BEGAIN: variants seen among roughly 807,000 people sequenced by gnomAD.
BEGAIN encodes brain-enriched guanylate kinase-associated protein.
BEGAIN carries 19 observed loss-of-function variants against 35.8 expected under a neutral mutation model. That is an observed-to-expected ratio of 0.53 (90% confidence interval 0.37 to 0.78). The LOEUF (loss-of-function observed/expected upper bound fraction) is 0.78. Among genes scored for constraint, BEGAIN ranks in the 30% least tolerant of loss-of-function variants. The probability of loss-of-function intolerance (pLI) is 0.00; values close to 1 mark genes in which losing one functional copy is unlikely to be tolerated. For missense variants in BEGAIN, 795 were observed against 853.6 expected (o/e 0.93, Z 0.85); for synonymous variants, 462 against 388.6 (o/e 1.19, Z -2.22).
At chr14:100,557,048 C>A (rs1233890376) in intron 2 of BEGAIN, among the ~76,000 whole-genome samples, 2 of 151,928 alleles carry the variant, frequency 1.3e-5, no homozygotes, top group African/African-American at 4.8e-5. Flanking sequence ...CCAGTCCCAG[C>A]GCCGGCTCTG....
At chr14:100,542,189 C>T (rs543704285) in intron 5 of BEGAIN, among the ~76,000 whole-genome samples, 1 of 152,250 alleles carries the variant, frequency 6.6e-6, no homozygotes, top group East Asian at 1.9e-4. Context: ...CTGGAACCAC[C>T]GCTCCACTCC....
chr14:100,579,580 C>T (rs1456442832), intron 1 of BEGAIN, among the ~76,000 whole-genome samples: 3 of 152,226 alleles, frequency 2.0e-5, no homozygotes, highest in Admixed American at 1.3e-4. Flanking sequence ...CTGCTTGGAG[C>T]GAGGCTGAGG....
chr14:100,583,881 T>A (rs912195195), intron 1 of BEGAIN, among the ~76,000 whole-genome samples: 4 of 151,964 alleles, frequency 2.6e-5, no homozygotes, highest in African/African-American at 9.7e-5. Context: ...TGTATTTTTA[T>A]AGAGACGGGG....
At chr14:100,571,088 G>A (rs763350264) in intron 1 of BEGAIN, among the ~76,000 whole-genome samples, 1 of 152,154 alleles carries the variant, frequency 6.6e-6, no homozygotes, top group African/African-American at 2.4e-5. Context: ...AGTCCTCATG[G>A]CACAGTCCTT....
At chr14:100,556,682 C>T (rs2033757665) in intron 2 of BEGAIN, among the ~76,000 whole-genome samples, 1 of 152,218 alleles carries the variant, frequency 6.6e-6, no homozygotes, top group South Asian at 2.1e-4. Flanking sequence ...GGGGCTGTCT[C>T]CTCCCAGTCA....
At position 100,538,054 on chromosome 14, in the gene BEGAIN, T is replaced by C. The variant is rs1300045071; in HGVS notation, c.1754A>G (p.Gln585Arg). Reference protein sequence around the residue: ...MHPAARLSPQQAFPRTGGSGL... With the variant: ...MHPAARLSPQRAFPRTGGSGL... ...CGAGCCACCAGTCCGCGGAAAGGCCTGCTGGGGGCTGAGGCGGGCGGCAGG... is the reference window on the plus strand; with the variant it reads ...CGAGCCACCAGTCCGCGGAAAGGCCCGCTGGGGGCTGAGGCGGGCGGCAGG... The change falls in exon 7 of 7, where the codon CAG becomes CGG. Residue 585 changes from glutamine to arginine, a missense_variant. Gln to Arg is a conservative substitution (Grantham distance 43, BLOSUM62 1). Coordinates refer to ENST00000554140, the MANE Select transcript of BEGAIN (RefSeq NM_001385089.1). The C allele has an allele frequency of 6.2e-7, 1 of 1,604,790 alleles. No individual in the cohort carries two copies. Among genetic ancestry groups the C allele is most frequent in the Non-Finnish European group, 8.5e-7 (1 of 1,176,872 alleles).
intron 1 of BEGAIN, among the ~76,000 whole-genome samples, chr14:100,572,652 C>A (rs1165214760): frequency 2.6e-5 from 4 of 152,146 alleles, no homozygotes; most frequent in Non-Finnish European, 5.9e-5. Context: ...GCCTTCTCCG[C>A]AGCTGTGGGA....
Position 100,537,708 on chromosome 14 carries a change from G to A in BEGAIN, c.*261C>T, listed in dbSNP as rs1669012591. On this transcript the variant is annotated 3_prime_UTR_variant, in exon 7 of 7. Transcript: ENST00000554140. ...AGTTTCGCTTTATAAAAGGGGGGAT[G>A]CTCCTCTCACATGGGGGAAGGACGC... The A allele has an allele frequency of 2.2e-6, 1 of 447,950 alleles. No individual in the cohort carries two copies. Among genetic ancestry groups the A allele is most frequent in the Non-Finnish European group, 3.9e-6 (1 of 256,524 alleles). 27.7% of individuals were successfully genotyped at this position (447,950 alleles called of 1,614,324 possible). A position where few individuals can be genotyped will look rare whatever the true frequency, so the allele number is the denominator to read the frequency against.
chr14:100,546,656 C>T lies in BEGAIN; in HGVS notation c.78G>A (p.Leu26=), dbSNP rs377634969. Residue 26 remains leucine (L), a synonymous_variant, in exon 3 of 7, where the codon CTG becomes CTA. Coordinates refer to ENST00000554140, the MANE Select transcript of BEGAIN (RefSeq NM_001385089.1). ...TGCGCAGCTCGCCCTTCTGCTCCTG[C>T]AGCGCGCTGCAACGACATGGCGGCG... ...SAADMEKLSA[L]QEQKGELRKR... 71 of 1,564,834 alleles carry T rather than the reference C, an allele frequency of 4.5e-5. No individual in the cohort carries two copies. Among genetic ancestry groups the T allele is most frequent in the Non-Finnish European group, 5.1e-5 (59 of 1,161,124 alleles).
chr14:100,539,463 C>T (rs1302441677), intron 6 of BEGAIN, 148 bp from the exon 7 acceptor site: 2 of 1,393,550 alleles, frequency 1.4e-6, no homozygotes, highest in East Asian at 2.6e-5. Flanking sequence ...CAAATCACAC[C>T]AGGGGGAGCC....
intron 2 of BEGAIN, among the ~76,000 whole-genome samples, chr14:100,562,094 G>A (rs2034307702): frequency 6.6e-6 from 1 of 152,152 alleles, no homozygotes; most frequent in South Asian, 2.1e-4. Context: ...TTAGAAGTGG[G>A]GTAGAGAGCC....
At chr14:100,554,411 C>G (rs1332544517) in intron 2 of BEGAIN, among the ~76,000 whole-genome samples, 1 of 152,192 alleles carries the variant, frequency 6.6e-6, no homozygotes, top group Non-Finnish European at 1.5e-5. Context: ...GGCTCTCAGC[C>G]TGGCCCCACA....
At chr14:100,580,370 C>T (rs979389367) in intron 1 of BEGAIN, among the ~76,000 whole-genome samples, 2 of 152,046 alleles carry the variant, frequency 1.3e-5, no homozygotes, top group African/African-American at 4.8e-5. Flanking sequence ...CAACGTCACA[C>T]CTTCATATAC....
intron 6 of BEGAIN, 23 bp from the exon 7 acceptor site, chr14:100,539,338 G>T: frequency 6.5e-7 from 1 of 1,531,368 alleles, no homozygotes; most frequent in African/African-American, 1.4e-5. Context: ...CGAGGAGGGG[G>T]ACGGCGGGTA....
chr14:100,552,016 A>G (rs559849701), intron 2 of BEGAIN, among the ~76,000 whole-genome samples: 1 of 152,322 alleles, frequency 6.6e-6, no homozygotes, highest in African/African-American at 2.4e-5. Flanking sequence ...CGAGGCTGCC[A>G]GAAACAACTG....
In BEGAIN at chr14:100,567,755, C is replaced by G. The variant is rs1409366701; in HGVS notation, c.71+156G>C. ...CCCAGCGCCTCGCGGCGCGCACACA[C>G]GCACCACACACACGCACCTGGCCCG... is the stretch of plus-strand genomic sequence containing the variant. On this transcript the variant is annotated intron_variant, in intron 2 of 6. Coordinates refer to ENST00000554140, the MANE Select transcript of BEGAIN (RefSeq NM_001385089.1). The surrounding 1 kb of genome is among the most constrained non-coding windows in gnomAD (Gnocchi z 5.1). Among the ~76,000 whole-genome samples the G allele has an allele frequency of 6.6e-6, 1 of 150,942 alleles. No individual in the cohort carries two copies. The highest frequency in any genetic ancestry group is 2.4e-5 in the African/African-American group (1 of 41,244).
chr14:100,537,247 A>T lies in BEGAIN; in HGVS notation c.*722T>A, dbSNP rs543379005. 1 of 152,816 alleles carries T rather than the reference A, an allele frequency of 6.5e-6. No homozygotes were observed. The highest frequency in any genetic ancestry group is 2.1e-4 in the South Asian group (1 of 4,824). The allele number at this position is 152,816 out of a possible 1,614,324, so 9.5% of individuals were successfully genotyped here. On this transcript the variant is annotated 3_prime_UTR_variant, in exon 7 of 7. Transcript: ENST00000554140. ...AGAATGCAAGCTACAGAAACCAGGA[A>T]TGGAGGGCCTCCTCATGTCTGAGGT...
chr14:100,538,156 G>T lies in BEGAIN; in HGVS notation c.1652C>A (p.Ala551Asp), dbSNP rs1206754498. The T allele has an allele frequency of 6.5e-7, 1 of 1,534,096 alleles. No homozygotes were observed. The highest frequency in any genetic ancestry group is 2.0e-5 in the Admixed American group (1 of 49,460). ...DRLGVQLCGT[A>D]SSPEPEQGSR... The stretch of plus-strand genomic sequence containing the variant: ...ACCCTGCTCGGGCTCAGGGCTGCTG[G>T]CGGTCCCACACAGCTGCACCCCGAG... Residue 551 changes from alanine to aspartate, a missense_variant, in exon 7 of 7, where the codon GCC (alanine) becomes GAC (aspartate). Transcript: ENST00000554140.
intron 2 of BEGAIN, among the ~76,000 whole-genome samples, chr14:100,559,121 G>A (rs924812186): frequency 2.0e-5 from 3 of 152,136 alleles, no homozygotes; most frequent in African/African-American, 7.2e-5. Flanking sequence ...CTTGGGCTTG[G>A]GGCCGTCCCT....
Sources: gnomAD v4.1 joint callset for allele counts (sites outside exome capture counted in the v4.1 genomes callset) on GRCh38, gnomAD v4.1.1 for gene constraint, Gnocchi (gnomAD v3.1) non-coding constraint, MANE v1.5 for transcripts, NCBI Gene and HGNC (gene_info 2026-07-23, HGNC 2026-07-21) for gene names.